The following CFAP299 variants were observed in gnomAD, a reference collection of about 807,000 sequenced individuals.
The protein encoded by CFAP299 is cilia and flagella associated protein 299.
In CFAP299, 21 loss-of-function variants were observed where a neutral mutation model predicts 27.0. The ratio of observed to expected loss-of-function variants is 0.78; its 90% CI spans 0.55 to 1.12. The LOEUF is 1.12. Ranked by LOEUF, CFAP299 falls within the 50% of genes most tolerant of loss-of-function variation. CFAP299 has a pLI of 0.00. For missense variants in CFAP299, 310 were observed against 276.6 expected, an observed-to-expected ratio of 1.12 and a Z score of -0.86; for synonymous variants, 104 against 98.1, an observed-to-expected ratio of 1.06 and a Z score of -0.36.
chr4:80,445,657 G>A (rs759359709), intron 2 of CFAP299, among the ~76,000 whole-genome samples: 5 of 151,800 alleles, frequency 3.3e-5, no homozygotes, highest in Non-Finnish European at 7.4e-5. Flanking sequence ...ATGTATCCCA[G>A]AACTTAAAGT....
chr4:80,552,155 T>G (rs1220531539), intron 2 of CFAP299, among the ~76,000 whole-genome samples: 1 of 152,244 alleles, frequency 6.6e-6, no homozygotes, highest in Non-Finnish European at 1.5e-5. Context: ...AGAAGGTAGT[T>G]TGTTTTCTTT....
At chr4:80,489,742 T>G (rs1731019327) in intron 2 of CFAP299, among the ~76,000 whole-genome samples, 2 of 152,218 alleles carry the variant, frequency 1.3e-5, no homozygotes, top group Admixed American at 1.3e-4. Context: ...CCATAGCACT[T>G]AAACTTACCA....
chr4:80,912,180 A>G (rs1735505956), intron 4 of CFAP299, among the ~76,000 whole-genome samples: 1 of 152,208 alleles, frequency 6.6e-6, no homozygotes, highest in Non-Finnish European at 1.5e-5. Flanking sequence ...TGCCTAATAG[A>G]AAGCTAGGTG....
chr4:80,492,053 G>C (rs6835442), intron 2 of CFAP299, among the ~76,000 whole-genome samples: 52,993 of 152,038 alleles, frequency 0.35, 11,109 homozygotes, highest in African/African-American at 0.59. Context: ...TATCTTAACC[G>C]TTTTTGTCTA....
At chr4:80,773,700 A>G (rs1726355128) in intron 3 of CFAP299, among the ~76,000 whole-genome samples, 1 of 152,108 alleles carries the variant, frequency 6.6e-6, no homozygotes, top group South Asian at 2.1e-4. Context: ...TTTTGTAATA[A>G]TTTGGTCAAT....
At chr4:80,891,169 T>A (rs1412259237) in intron 4 of CFAP299, among the ~76,000 whole-genome samples, 2 of 149,452 alleles carry the variant, frequency 1.3e-5, no homozygotes, top group Non-Finnish European at 3.0e-5. Context: ...GCCTAGGTTT[T>A]CTTCTAGGGT....
intron 2 of CFAP299, among the ~76,000 whole-genome samples, chr4:80,561,867 T>C (rs556600825): frequency 2.0e-5 from 3 of 152,252 alleles, no homozygotes; most frequent in East Asian, 3.9e-4. Flanking sequence ...TATAACACTG[T>C]AACTGTGTTG....
chr4:80,880,747 TAAAA>T (rs1560460497), intron 4 of CFAP299, among the ~76,000 whole-genome samples: 6 of 151,198 alleles, frequency 4.0e-5, no homozygotes, highest in African/African-American at 9.8e-5. Flanking sequence ...TAAAATAAAA[TAAAA>T]TAAAATTAAA....
chr4:80,462,523 C>G (rs981312044), intron 2 of CFAP299, among the ~76,000 whole-genome samples: 2 of 152,170 alleles, frequency 1.3e-5, no homozygotes, highest in African/African-American at 4.8e-5. Flanking sequence ...CACCTCCACC[C>G]CAATATGTTT....
At chr4:80,720,195 C>T (rs1307680386) in intron 3 of CFAP299, among the ~76,000 whole-genome samples, 1 of 152,008 alleles carries the variant, frequency 6.6e-6, no homozygotes, top group Non-Finnish European at 1.5e-5. Context: ...AAAGAGGACC[C>T]CCCCTCAAGA....
intron 3 of CFAP299, among the ~76,000 whole-genome samples, chr4:80,825,100 G>T (rs1729913807): frequency 6.6e-6 from 1 of 151,812 alleles, no homozygotes; most frequent in Non-Finnish European, 1.5e-5. Flanking sequence ...AAGATGTTCT[G>T]CAGCTAAAAA....
intron 3 of CFAP299, among the ~76,000 whole-genome samples, chr4:80,752,266 G>A (rs998509357): frequency 8.6e-5 from 13 of 152,006 alleles, no homozygotes; most frequent in Middle Eastern, 3.4e-3. Flanking sequence ...AGGTATTTCA[G>A]TTGAAGGTGC....
chr4:80,558,354 G>GTTTTTTTTTTTTTTTTTTTTTT (rs1159652533), intron 2 of CFAP299, among the ~76,000 whole-genome samples: 3 of 126,444 alleles, frequency 2.4e-5, no homozygotes, highest in Admixed American at 7.5e-5. Context: ...TTGTTTGTTT[G>GTTTTTTTTTTTTTTTTTTTTTT]TTTGTTTGTT....
At chr4:80,721,844 T>G (rs1722835751) in intron 3 of CFAP299, among the ~76,000 whole-genome samples, 1 of 152,092 alleles carries the variant, frequency 6.6e-6, no homozygotes, top group Non-Finnish European at 1.5e-5. Flanking sequence ...AACCTAGAAT[T>G]CTTTACCCAA....
chr4:80,588,237 T>C (rs2109880419), intron 3 of CFAP299, among the ~76,000 whole-genome samples: 1 of 151,068 alleles, frequency 6.6e-6, no homozygotes, highest in South Asian at 2.1e-4. Context: ...AGGACAGTCC[T>C]TTCAAGGAGG....
At chr4:80,630,523 A>T (rs534399695) in intron 3 of CFAP299, among the ~76,000 whole-genome samples, 1 of 152,248 alleles carries the variant, frequency 6.6e-6, no homozygotes, top group Non-Finnish European at 1.5e-5. Context: ...AAATTATAAA[A>T]TGTTGATTTT....
intron 3 of CFAP299, among the ~76,000 whole-genome samples, chr4:80,656,613 T>A (rs1006989920): frequency 2.0e-5 from 3 of 152,236 alleles, no homozygotes; most frequent in African/African-American, 7.2e-5. Context: ...GTTTTCTTTA[T>A]CCGGTCTATC....
chr4:80,745,114 G>A (rs1390786866), intron 3 of CFAP299, among the ~76,000 whole-genome samples: 1 of 151,734 alleles, frequency 6.6e-6, no homozygotes, highest in Non-Finnish European at 1.5e-5. Context: ...GTTTGAACGA[G>A]AAAGCAACAT....
At chr4:80,416,447 G>T in intron 2 of CFAP299, among the ~76,000 whole-genome samples, 1 of 152,268 alleles carries the variant, frequency 6.6e-6, no homozygotes, top group Non-Finnish European at 1.5e-5. Context: ...ATTAAAAGCA[G>T]ATATAGCTAA....
Sources: gnomAD v4.1 joint callset for allele counts (sites outside exome capture counted in the v4.1 genomes callset) on GRCh38, gnomAD v4.1.1 for gene constraint, MANE v1.5 for transcripts, NCBI Gene and HGNC (gene_info 2026-07-23, HGNC 2026-07-21) for gene names.